TRIM9: variants seen among roughly 807,000 people sequenced by gnomAD.
TRIM9 encodes the protein E3 ubiquitin-protein ligase TRIM9.
TRIM9 carries 26 observed loss-of-function variants against 78.3 expected under a neutral mutation model. The observed-to-expected ratio is 0.33, with a 90% CI of 0.24 to 0.46. The LOEUF is 0.46. Among genes scored for constraint, TRIM9 ranks in the 20% least tolerant of loss-of-function variants. The pLI is 1.00. For missense variants in TRIM9, 787 were observed against 1,036.4 expected, an observed-to-expected ratio of 0.76 and a Z score of 3.30; for synonymous variants, 398 against 416.5, an observed-to-expected ratio of 0.96 and a Z score of 0.54.
intron 7 of TRIM9, among the ~76,000 whole-genome samples, chr14:50,994,957 C>T (rs2054009722): frequency 6.6e-6 from 1 of 152,168 alleles, no homozygotes; most frequent in Admixed American, 6.5e-5. Context: ...TCTCCAGGAA[C>T]TTTGCTTTCA....
At chr14:51,071,387 G>GAA (rs56726763) in intron 1 of TRIM9, among the ~76,000 whole-genome samples, 112 of 115,922 alleles carry the variant, frequency 9.7e-4, no homozygotes, top group African/African-American at 3.2e-3. Context: ...AAAAAAAAAA[G>GAA]AAAAAAAAAA....
In TRIM9 at chr14:51,094,845, G is replaced by A; in HGVS notation, c.95C>T (p.Ala32Val). Residue 32 changes from alanine (A) to valine (V), a missense_variant, in exon 1 of 13, where the codon GCG (alanine) becomes GTG (valine). Ala to Val is a moderately conservative substitution (Grantham distance 64). This residue lies in a region of TRIM9 where 352 missense variants were observed against 472.3 expected (regional missense o/e 0.75). Coordinates refer to ENST00000684578, the MANE Select transcript of TRIM9 (RefSeq NM_001387360.1). The part of the protein sequence containing the change: ...ILPCSHNLCQ[A>V]CARNILVQTP... ...CTGCACCAGGATGTTGCGGGCGCAC[G>A]CCTGACACAAATTGTGAGAGCAGGG... The A allele has an allele frequency of 6.5e-7, 1 of 1,533,302 alleles. No homozygotes were observed. Among genetic ancestry groups the A allele is most frequent in the Admixed American group, 2.2e-5 (1 of 44,952 alleles). 95.0% of individuals were successfully genotyped at this position (1,533,302 alleles called of 1,614,324 possible).
At position 51,094,748 on chromosome 14, in the gene TRIM9, G is replaced by C; in HGVS notation, c.192C>G (p.Asp64Glu). 1 of 1,534,632 alleles carries C rather than the reference G, an allele frequency of 6.5e-7. No individual in the cohort carries two copies. The highest frequency in any genetic ancestry group is 8.8e-7 in the Non-Finnish European group (1 of 1,142,080). ...GSGVSDYDYLDLDKMSLYSEA... is the reference protein window; with the variant it reads ...GSGVSDYDYLELDKMSLYSEA... ...CGCTGTATAGGCTCATCTTGTCCAG[G>C]TCCAGATAGTCATAGTCGGAGACCC... The change falls in exon 1 of 13, where the codon GAC becomes GAG. Residue 64 changes from aspartate (D) to glutamate (E), a missense_variant. Coordinates refer to ENST00000684578, the MANE Select transcript of TRIM9 (RefSeq NM_001387360.1).
In TRIM9 at chr14:50,981,794, G is replaced by GGGTA. The variant is rs751723003; in HGVS notation, c.2162+2_2162+5dup. The GGGTA allele has an allele frequency of 6.8e-6, 11 of 1,613,608 alleles. No individual in the cohort carries two copies. In the South Asian group the frequency reaches 1.2e-4, roughly 18 times the overall value. On this transcript the variant is annotated splice_donor_region_variant and intron_variant, in intron 11 of 12. Coordinates refer to ENST00000684578, the MANE Select transcript of TRIM9 (RefSeq NM_001387360.1). ...AAGAAGGCTTGGTTTGGGGGCTGCA[G>GGGTA]GGTACCTGTTGGTGTGCGAGTTGTT...
At chr14:51,062,759 G>C (rs146936638) in intron 1 of TRIM9, among the ~76,000 whole-genome samples, 18 of 152,244 alleles carry the variant, frequency 1.2e-4, no homozygotes, top group African/African-American at 4.1e-4. Flanking sequence ...CCTGAACTGT[G>C]GATGCATGGG....
chr14:50,982,676 G>T lies in TRIM9; in HGVS notation c.1858+266C>A, dbSNP rs2052117397. The T allele has an allele frequency of 2.3e-5, 11 of 476,640 alleles. No individual in the cohort carries two copies. The South Asian group carries it at 4.3e-4, about 18-fold the overall frequency. 29.5% of individuals were successfully genotyped at this position (476,640 alleles called of 1,614,324 possible). On this transcript the variant is annotated intron_variant, in intron 10 of 12. Coordinates refer to ENST00000684578, the MANE Select transcript of TRIM9 (RefSeq NM_001387360.1). ...GTGATTGTGACTTGCATGTAGGACA[G>T]GTTGCTGTCTGCATAACTTAAAAAA...
intron 1 of TRIM9, among the ~76,000 whole-genome samples, chr14:51,060,553 A>G (rs57641520): frequency 0.31 from 47,247 of 151,810 alleles, 7,678 homozygotes; most frequent in South Asian, 0.53. Flanking sequence ...TGCAAGCTCC[A>G]CTTCCAGGGT....
intron 1 of TRIM9, among the ~76,000 whole-genome samples, chr14:51,054,975 G>C (rs561446868): frequency 2.5e-4 from 38 of 152,060 alleles, no homozygotes; most frequent in East Asian, 1.9e-3. Context: ...GACAACAAGC[G>C]CGCGCCACCA....
At chr14:51,015,375 T>C (rs1181066833) in intron 3 of TRIM9, among the ~76,000 whole-genome samples, 3 of 152,084 alleles carry the variant, frequency 2.0e-5, no homozygotes, top group Non-Finnish European at 4.4e-5. Flanking sequence ...ATTAGGAGAA[T>C]TTCATGCTTA....
At chr14:51,023,030 C>A in intron 2 of TRIM9, 73 bp from the exon 3 acceptor site, 1 of 1,592,640 alleles carries the variant, frequency 6.3e-7, no homozygotes, top group Non-Finnish European at 8.5e-7. Flanking sequence ...CAGAGCTCCC[C>A]CATCCTGCTG....
chr14:50,985,885 CAAGACACG>C, intron 8 of TRIM9, 63 bp downstream of exon 8: 1 of 1,321,726 alleles, frequency 7.6e-7, no homozygotes, highest in Non-Finnish European at 9.9e-7. Flanking sequence ...ATGGCAAGAA[CAAGACACG>C]CGTTTCAGAG....
At chr14:51,081,586 C>T (rs139400051) in intron 1 of TRIM9, among the ~76,000 whole-genome samples, 165 of 152,324 alleles carry the variant, frequency 1.1e-3, no homozygotes, top group African/African-American at 3.8e-3. Flanking sequence ...TTAGACTCCA[C>T]AGCAGTAAAG....
chr14:50,996,957 C>G, intron 7 of TRIM9: 2 of 985,318 alleles, frequency 2.0e-6, no homozygotes, highest in Non-Finnish European at 2.4e-6. Context: ...CCATGTGAAG[C>G]ATTTTAGGGT....
chr14:51,083,295 C>T (rs554418056), intron 1 of TRIM9, among the ~76,000 whole-genome samples: 2 of 152,196 alleles, frequency 1.3e-5, no homozygotes, highest in South Asian at 2.1e-4. Context: ...CTTTGTCACC[C>T]AGGCTGCATG....
In TRIM9 at chr14:50,975,504, T is replaced by C. The variant is rs1217951126; in HGVS notation, c.*1787A>G. On this transcript the variant is annotated 3_prime_UTR_variant, in exon 13 of 13. Coordinates refer to ENST00000684578, the MANE Select transcript of TRIM9 (RefSeq NM_001387360.1). ...AACTAGTGTTGCCCTGCAACAGTTT[T>C]TCTGTAGCCAAGAAAAACCAAGACA... 5 of 152,634 alleles carry C rather than the reference T, an allele frequency of 3.3e-5. No homozygotes were observed. 9.5% of individuals were successfully genotyped at this position (152,634 alleles called of 1,614,324 possible).
chr14:51,060,624 G>A lies in TRIM9; in HGVS notation c.822+33494C>T, dbSNP rs1303417751. Among the ~76,000 whole-genome samples, 3 of 152,164 alleles carry A rather than the reference G, an allele frequency of 2.0e-5. 1 individual carries two copies. The highest frequency in any genetic ancestry group is 4.2e-4 in the South Asian group (2 of 4,818). ...TGGAACTACAGGCGCCTGCCACCAC[G>A]CCCGGCTAATTTTTTTGTATTTTTA... On this transcript the variant is annotated intron_variant, in intron 1 of 12. Transcript: ENST00000684578.
chr14:51,029,624 G>GTGTAAGCAAGAAATTCTAATAAT lies in TRIM9; in HGVS notation c.823-4287_823-4265dup, dbSNP rs563095042. On this transcript the variant is annotated intron_variant, in intron 1 of 12. Transcript: ENST00000684578. ...ATTGCTGACATAGTACAATCAAAAA[G>GTGTAAGCAAGAAATTCTAATAAT]TGTAAGCAAGAAATTCTAATAATTG... Among the ~76,000 whole-genome samples, 1,239 of 151,914 alleles carry GTGTAAGCAAGAAATTCTAATAAT rather than the reference G, an allele frequency of 8.2e-3. 20 individuals are homozygous for GTGTAAGCAAGAAATTCTAATAAT. Among genetic ancestry groups the GTGTAAGCAAGAAATTCTAATAAT allele is most frequent in the African/African-American group, 0.029 (1,191 of 41,184 alleles).
At chr14:51,006,382 A>C (rs1032248078) in intron 5 of TRIM9, among the ~76,000 whole-genome samples, 6 of 152,340 alleles carry the variant, frequency 3.9e-5, no homozygotes, top group African/African-American at 4.8e-5. Flanking sequence ...AAAAATAAGA[A>C]GATGAACGCC....
chr14:51,075,799 C>T (rs139952049), intron 1 of TRIM9, among the ~76,000 whole-genome samples: 115 of 152,302 alleles, frequency 7.6e-4, no homozygotes, highest in African/African-American at 2.7e-3. Context: ...TTGCTCTTGG[C>T]CACCTTCTGA....
Sources: gnomAD v4.1 joint callset for allele counts (sites outside exome capture counted in the v4.1 genomes callset) on GRCh38, gnomAD v4.1.1 for gene constraint, gnomAD v4.1.1 regional missense constraint, MANE v1.5 for transcripts, NCBI Gene and HGNC (gene_info 2026-07-23, HGNC 2026-07-21) for gene names.